The following UGT1A10 variants were observed in gnomAD, a reference collection of about 807,000 sequenced individuals.
The protein encoded by UGT1A10 is UDP-glucuronosyltransferase 1A10.
In UGT1A10, 49 loss-of-function variants were observed where a neutral mutation model predicts 45.8. The ratio of observed to expected loss-of-function variants is 1.07; its 90% CI spans 0.85 to 1.36. The LOEUF (loss-of-function observed/expected upper bound fraction) is 1.36. Among genes scored for constraint, UGT1A10 ranks in the 40% most tolerant of loss-of-function variants. The pLI is 0.00. For synonymous variants in UGT1A10, 284 were observed against 249.7 expected (o/e 1.14, Z -1.29); for missense variants, 745 against 668.6 (o/e 1.11, Z -1.26).
chr2:233,682,342 A>C, intron 1 of UGT1A10: 1 of 1,614,112 alleles, frequency 6.2e-7, no homozygotes, highest in Non-Finnish European at 8.5e-7. Context: ...AATTAGTAGA[A>C]TACTTAAAGG....
chr2:233,758,584 G>A (rs1696918443), intron 1 of UGT1A10, among the ~76,000 whole-genome samples: 1 of 152,180 alleles, frequency 6.6e-6, no homozygotes. Context: ...AAGAGTGTTT[G>A]GGTGTGGGGA....
At chr2:233,730,041 T>G in intron 1 of UGT1A10, 1 of 1,612,628 alleles carries the variant, frequency 6.2e-7, no homozygotes, top group South Asian at 1.1e-5. Flanking sequence ...CAAAACACTT[T>G]TTAAAAAAAT....
At chr2:233,740,769 G>A (rs1277809292) in intron 1 of UGT1A10, 1 of 151,756 alleles carries the variant, frequency 6.6e-6, no homozygotes, top group African/African-American at 2.4e-5. Flanking sequence ...TCAAACCGTT[G>A]TATAAAAGAT....
intron 1 of UGT1A10, chr2:233,743,656 G>T (rs528527073): frequency 7.3e-7 from 1 of 1,367,266 alleles, no homozygotes; most frequent in Admixed American, 1.9e-5. Flanking sequence ...AGACGTACTC[G>T]AAGGGGTCCT....
intron 1 of UGT1A10, chr2:233,753,536 C>G (rs1575719144): frequency 6.6e-6 from 1 of 152,188 alleles, no homozygotes. Flanking sequence ...CTCATGCAAA[C>G]TTTTCCTCAG....
At chr2:233,671,428 A>T (rs2074187796) in intron 1 of UGT1A10, among the ~76,000 whole-genome samples, 1 of 152,232 alleles carries the variant, frequency 6.6e-6, no homozygotes, top group African/African-American at 2.4e-5. Flanking sequence ...TTGCAGAGAC[A>T]CAGGCGAGCC....
intron 1 of UGT1A10, among the ~76,000 whole-genome samples, chr2:233,744,904 C>A (rs2125866723): frequency 6.6e-6 from 1 of 151,988 alleles, no homozygotes; most frequent in Middle Eastern, 3.4e-3. Flanking sequence ...ATACCAAAAT[C>A]TAGATGCTCA....
chr2:233,724,348 C>G, intron 1 of UGT1A10, among the ~76,000 whole-genome samples: 1 of 144,652 alleles, frequency 6.9e-6, no homozygotes, highest in East Asian at 2.1e-4. Context: ...TGACCCCCCC[C>G]ACCTCCCTCC....
chr2:233,694,976 T>C (rs553347188), intron 1 of UGT1A10, among the ~76,000 whole-genome samples: 122 of 152,352 alleles, frequency 8.0e-4, no homozygotes, highest in African/African-American at 2.9e-3. Flanking sequence ...ATTCCTTCCT[T>C]ATGTTGGGAA....
chr2:233,768,179 A>G, intron 3 of UGT1A10, 41 bp from the exon 4 acceptor site: 1 of 1,613,948 alleles, frequency 6.2e-7, no homozygotes, highest in East Asian at 2.2e-5. Context: ...TGTGAAACTC[A>G]GAGATGTAAC....
intron 1 of UGT1A10, among the ~76,000 whole-genome samples, chr2:233,664,775 G>A (rs1387218105): frequency 1.3e-5 from 2 of 152,182 alleles, no homozygotes; most frequent in Non-Finnish European, 2.9e-5. Flanking sequence ...TGAGATTTGG[G>A]TGGGGACAAA....
At chr2:233,640,017 T>TG (rs755634249) in intron 1 of UGT1A10, among the ~76,000 whole-genome samples, 11 of 152,300 alleles carry the variant, frequency 7.2e-5, no homozygotes, top group Middle Eastern at 3.4e-3. Context: ...ATACCATCCA[T>TG]GGTAGGTGCA....
intron 2 of UGT1A10, 103 bp downstream of exon 2, chr2:233,767,268 G>C: frequency 6.3e-7 from 1 of 1,584,094 alleles, no homozygotes; most frequent in Non-Finnish European, 8.5e-7. Flanking sequence ...CCTTAGATTT[G>C]GCTTTTCCCT....
chr2:233,729,088 C>T (rs369653208), intron 1 of UGT1A10: 20 of 1,612,314 alleles, frequency 1.2e-5, no homozygotes, highest in African/African-American at 8.0e-5. Flanking sequence ...GCAGGCACAG[C>T]GTGGGGTGGA....
chr2:233,727,709 GC>G (rs369344030), intron 1 of UGT1A10, among the ~76,000 whole-genome samples: 1 of 152,290 alleles, frequency 6.6e-6, no homozygotes, highest in African/African-American at 2.4e-5. Context: ...AGTTCCCAAA[GC>G]CCTTGCAGAC....
intron 1 of UGT1A10, among the ~76,000 whole-genome samples, chr2:233,704,007 C>G (rs915075630): frequency 6.6e-6 from 1 of 152,048 alleles, no homozygotes; most frequent in Non-Finnish European, 1.5e-5. Flanking sequence ...TCTCCCACCT[C>G]AGCCGCCCGA....
Position 233,637,120 on chromosome 2 carries a change from G to A in UGT1A10, c.598G>A (p.Ala200Thr), listed in dbSNP as rs1301389930. 6.2e-7 allele frequency: 1 copy of A among 1,613,930 alleles called. No individual in the cohort carries two copies. Among genetic ancestry groups the A allele is most frequent in the Admixed American group, 1.7e-5 (1 of 60,014 alleles). ...VPNDLLGFSD[A>T]MTFKERVWNH... ...CAATGATCTCTTAGGGTTCTCAGATGCCATGACTTTCAAGGAGAGAGTATG... is the reference window on the plus strand; with the variant it reads ...CAATGATCTCTTAGGGTTCTCAGATACCATGACTTTCAAGGAGAGAGTATG... Residue 200 changes from alanine to threonine, a missense_variant, in exon 1 of 5, where the codon GCC becomes ACC. Physicochemically the swap from Ala to Thr is moderately conservative, Grantham distance 58. Transcript: ENST00000344644.
intron 1 of UGT1A10, among the ~76,000 whole-genome samples, chr2:233,679,387 C>T (rs1468973409): frequency 3.3e-5 from 5 of 152,210 alleles, no homozygotes; most frequent in African/African-American, 1.2e-4. Flanking sequence ...TTGATCTTTT[C>T]CTTTCAAGGC....
chr2:233,660,239 C>T (rs150572158), intron 1 of UGT1A10, among the ~76,000 whole-genome samples: 158 of 152,286 alleles, frequency 1.0e-3, no homozygotes, highest in Non-Finnish European at 1.7e-3. Flanking sequence ...ATGTTCGCCC[C>T]GCTGACATTC....
Sources: allele counts gnomAD v4.1 joint callset (sites outside exome capture counted in the v4.1 genomes callset), GRCh38; gene constraint gnomAD v4.1.1; transcripts MANE v1.5; gene names NCBI Gene and HGNC (gene_info 2026-07-23, HGNC 2026-07-21).